SLC25A48: variants seen among roughly 807,000 people sequenced by gnomAD.
SLC25A48 encodes CTC-321K16.1.
SLC25A48 carries 29 observed loss-of-function variants against 32.2 expected under a neutral mutation model. The observed-to-expected ratio is 0.90, with a 90% confidence interval of 0.67 to 1.23. The LOEUF is 1.23. Among genes scored for constraint, SLC25A48 ranks in the 50% most tolerant of loss-of-function variants. The probability of loss-of-function intolerance (pLI) is 0.00; values close to 1 mark genes in which losing one functional copy is unlikely to be tolerated. For synonymous variants in SLC25A48, 164 were observed against 172.3 expected (o/e 0.95, Z 0.38); for missense variants, 399 against 422.7 (o/e 0.94, Z 0.49).
intron 3 of SLC25A48, among the ~76,000 whole-genome samples, chr5:135,753,592 T>G (rs1041357759): frequency 6.6e-6 from 1 of 151,870 alleles, no homozygotes; most frequent in African/African-American, 2.4e-5. Context: ...CTCAAGAATA[T>G]TATGCCTGAT....
intron 3 of SLC25A48, among the ~76,000 whole-genome samples, chr5:135,740,172 G>T (rs549797172): frequency 3.3e-5 from 5 of 151,718 alleles, no homozygotes; most frequent in African/African-American, 1.2e-4. Flanking sequence ...GTGTGTGCAT[G>T]TGTGTGTGTG....
At chr5:135,676,886 T>C (rs1753784158) in intron 3 of SLC25A48, among the ~76,000 whole-genome samples, 1 of 152,078 alleles carries the variant, frequency 6.6e-6, no homozygotes, top group South Asian at 2.1e-4. Context: ...ATGGTTCATC[T>C]TTGAGAATGT....
chr5:135,778,855 C>T (rs531401549), intron 3 of SLC25A48, among the ~76,000 whole-genome samples: 28 of 9,366 alleles, frequency 3.0e-3, no homozygotes, highest in Non-Finnish European at 6.4e-3. Flanking sequence ...CCCGCCCCGC[C>T]GTGACATTGT....
At chr5:135,708,528 G>T (rs1183214323) in intron 3 of SLC25A48, among the ~76,000 whole-genome samples, 1 of 152,218 alleles carries the variant, frequency 6.6e-6, no homozygotes, top group Admixed American at 6.5e-5. Flanking sequence ...CATGGTCACT[G>T]TAATGGTGCA....
chr5:135,851,065 A>C (rs1580987614), intron 3 of SLC25A48, among the ~76,000 whole-genome samples: 1 of 152,110 alleles, frequency 6.6e-6, no homozygotes, highest in South Asian at 2.1e-4. Context: ...ATTTAGAATA[A>C]ATTTTAAAAT....
chr5:135,788,915 T>C (rs564860062), intron 3 of SLC25A48, among the ~76,000 whole-genome samples: 1 of 149,326 alleles, frequency 6.7e-6, no homozygotes, highest in South Asian at 2.2e-4. Context: ...CGCCATATGG[T>C]GCGTAATATC....
rs75384598 is a variant in SLC25A48, at chr5:135,650,988, T to C, written c.-521+16032T>C. ...CCTACATCCATGCCAGTTATCAATATATTGCCTTTCAGCTCCAAATCTACC... is the reference window on the plus strand; with the variant it reads ...CCTACATCCATGCCAGTTATCAATACATTGCCTTTCAGCTCCAAATCTACC... On this transcript the variant is annotated intron_variant, in intron 3 of 10. Coordinates refer to the SLC25A48 transcript ENST00000646290. Among the ~76,000 whole-genome samples, 33 of 152,266 alleles carry C rather than the reference T, an allele frequency of 2.2e-4. No homozygotes were observed. The South Asian group carries it at 6.2e-3, about 29-fold the overall frequency.
At chr5:135,638,570 A>C (rs1752761265) in intron 3 of SLC25A48, among the ~76,000 whole-genome samples, 1 of 152,240 alleles carries the variant, frequency 6.6e-6, no homozygotes, top group Admixed American at 6.5e-5. Context: ...AGTTGTGTGC[A>C]GTGGATTGTG....
intron 1 of SLC25A48, among the ~76,000 whole-genome samples, chr5:135,611,883 C>T (rs1752080843): frequency 1.3e-5 from 2 of 152,158 alleles, no homozygotes; most frequent in Admixed American, 6.5e-5. Flanking sequence ...TGGAACCCAA[C>T]AAAAGACACA....
intron 3 of SLC25A48, among the ~76,000 whole-genome samples, chr5:135,661,870 A>C (rs1753406932): frequency 6.6e-6 from 1 of 152,214 alleles, no homozygotes; most frequent in Non-Finnish European, 1.5e-5. Context: ...ACCACAGTGT[A>C]GTTTACTCAT....
At chr5:135,877,662 C>T (rs1345361156) in intron 6 of SLC25A48, among the ~76,000 whole-genome samples, 1 of 152,218 alleles carries the variant, frequency 6.6e-6, no homozygotes, top group Non-Finnish European at 1.5e-5. Context: ...CCACACAGCC[C>T]TGCATTCACT....
At chr5:135,693,899 A>G (rs1754206127) in intron 3 of SLC25A48, among the ~76,000 whole-genome samples, 1 of 152,252 alleles carries the variant, frequency 6.6e-6, no homozygotes, top group Non-Finnish European at 1.5e-5. Flanking sequence ...CAGACAAGCC[A>G]TAAGCCTCTC....
At chr5:135,669,421 G>T (rs774109638) in intron 3 of SLC25A48, among the ~76,000 whole-genome samples, 1 of 152,038 alleles carries the variant, frequency 6.6e-6, no homozygotes, top group African/African-American at 2.4e-5. Context: ...GCACCTATCT[G>T]GGGGGAGGGA....
At chr5:135,805,533 G>C (rs568109947) in intron 3 of SLC25A48, among the ~76,000 whole-genome samples, 1 of 151,494 alleles carries the variant, frequency 6.6e-6, no homozygotes, top group Non-Finnish European at 1.5e-5. Context: ...CACCACATGC[G>C]TTCACCCTGT....
intron 3 of SLC25A48, among the ~76,000 whole-genome samples, chr5:135,773,942 C>T (rs906326819): frequency 2.6e-5 from 4 of 151,552 alleles, no homozygotes; most frequent in African/African-American, 9.7e-5. Flanking sequence ...CTCCCAATAA[C>T]CCAGAGGATG....
intron 3 of SLC25A48, among the ~76,000 whole-genome samples, chr5:135,644,413 G>C (rs1281005814): frequency 1.3e-5 from 2 of 152,118 alleles, no homozygotes; most frequent in Non-Finnish European, 2.9e-5. Context: ...TCTGAGTGCA[G>C]ATTTGTGATT....
chr5:135,773,876 G>A (rs530456787), intron 3 of SLC25A48, among the ~76,000 whole-genome samples: 20 of 151,356 alleles, frequency 1.3e-4, no homozygotes, highest in African/African-American at 4.6e-4. Flanking sequence ...CACAGGGACT[G>A]TACACCACCA....
chr5:135,640,544 A>G (rs1752810139), intron 3 of SLC25A48, among the ~76,000 whole-genome samples: 2 of 152,172 alleles, frequency 1.3e-5, no homozygotes, highest in Admixed American at 6.5e-5. Flanking sequence ...ACAAGAGGAA[A>G]CTAAAGACCA....
rs534455304 is a variant in SLC25A48 at position 135,867,334 on chromosome 5, A to C, written c.422-4127A>C. The stretch of plus-strand genomic sequence containing the variant: ...TTGGACAAAGGACTTGCAAGTCCAG[A>C]GATCTCAGTTGTGCATATTTCCAAG... On this transcript the variant is annotated intron_variant, in intron 4 of 7. Transcript: ENST00000681962. 1.8e-4 allele frequency among the ~76,000 whole-genome samples: 27 copies of C among 152,298 alleles called. No individual in the cohort carries two copies. In the South Asian group the frequency reaches 5.6e-3, roughly 32 times the overall value.
Sources: allele counts gnomAD v4.1 joint callset (sites outside exome capture counted in the v4.1 genomes callset), GRCh38; gene constraint gnomAD v4.1.1; transcripts MANE v1.5; gene names NCBI Gene and HGNC (gene_info 2026-07-23, HGNC 2026-07-21).